AGBL1: variants seen among roughly 807,000 people sequenced by gnomAD.
AGBL1 encodes the protein AGBL carboxypeptidase 1.
Under a neutral mutation model 118.9 loss-of-function variants are expected in AGBL1, and 130 were observed. The observed-to-expected ratio is 1.09, with a 90% CI of 0.95 to 1.26. The LOEUF (loss-of-function observed/expected upper bound fraction) is 1.26. Ranked by LOEUF, AGBL1 falls within the 50% of genes most tolerant of loss-of-function variation. The probability of loss-of-function intolerance (pLI) is 0.00; values close to 1 mark genes in which losing one functional copy is unlikely to be tolerated. For missense variants in AGBL1, 1,584 were observed against 1,298.1 expected (o/e 1.22, Z -3.38); for synonymous variants, 555 against 478.9 (o/e 1.16, Z -2.08).
At chr15:86,099,259 TA>T (rs1896567746) in intron 1 of AGBL1, among the ~76,000 whole-genome samples, 1 of 152,136 alleles carries the variant, frequency 6.6e-6, no homozygotes, top group Admixed American at 6.5e-5. Context: ...AAATACTGAC[TA>T]AAAAAAATTA....
chr15:86,319,376 T>A (rs2080068195), intron 17 of AGBL1, among the ~76,000 whole-genome samples: 1 of 152,170 alleles, frequency 6.6e-6, no homozygotes, highest in Non-Finnish European at 1.5e-5. Flanking sequence ...CTCATTGTAG[T>A]TTTAATTGGC....
At chr15:86,316,636 TA>T (rs1446416978) in intron 17 of AGBL1, 1 of 152,278 alleles carries the variant, frequency 6.6e-6, no homozygotes, top group Non-Finnish European at 1.5e-5. Context: ...CCTGTCTGAC[TA>T]GATTTTATCT....
At chr15:86,998,867 A>G (rs1165708822) in intron 24 of AGBL1, among the ~76,000 whole-genome samples, 1 of 151,196 alleles carries the variant, frequency 6.6e-6, no homozygotes, top group Non-Finnish European at 1.5e-5. Flanking sequence ...ATATATATAT[A>G]TATTTTTTAT....
At chr15:86,500,368 T>A (rs534437503) in intron 18 of AGBL1, among the ~76,000 whole-genome samples, 2 of 151,946 alleles carry the variant, frequency 1.3e-5, no homozygotes, top group East Asian at 3.9e-4. Context: ...AAGTTAAGAA[T>A]AGGTTATCCC....
At chr15:86,558,640 A>G (rs949647126) in intron 21 of AGBL1, among the ~76,000 whole-genome samples, 1 of 152,208 alleles carries the variant, frequency 6.6e-6, no homozygotes. Context: ...TAAAACATGC[A>G]TGCTGGAACT....
chr15:86,598,937 G>GT (rs769524196), intron 21 of AGBL1, among the ~76,000 whole-genome samples: 41 of 152,242 alleles, frequency 2.7e-4, no homozygotes, highest in South Asian at 1.7e-3. Context: ...GCTACTGAAT[G>GT]TTTTCCAGAG....
intron 18 of AGBL1, among the ~76,000 whole-genome samples, chr15:86,433,442 A>G (rs773460641): frequency 2.0e-4 from 30 of 151,904 alleles, no homozygotes; most frequent in Non-Finnish European, 4.1e-4. Flanking sequence ...TTACGTTGGC[A>G]TTTCTTGTGC....
intron 1 of AGBL1, chr15:86,088,109 A>T (rs1248878957): frequency 6.6e-6 from 1 of 152,292 alleles, no homozygotes; most frequent in Non-Finnish European, 1.5e-5. Context: ...ATGAATGGGT[A>T]TGCCTGTGTT....
chr15:86,781,522 G>A (rs546887432), intron 22 of AGBL1, among the ~76,000 whole-genome samples: 2 of 152,156 alleles, frequency 1.3e-5, no homozygotes, highest in South Asian at 4.1e-4. Context: ...AGGATTTTTA[G>A]GACTCTTAGA....
chr15:86,568,101 C>T (rs1480253596), intron 21 of AGBL1, among the ~76,000 whole-genome samples: 1 of 151,956 alleles, frequency 6.6e-6, no homozygotes, highest in East Asian at 1.9e-4. Flanking sequence ...AGGTAATTAG[C>T]TTAATTCTAC....
At chr15:86,687,435 C>T (rs1274674976) in intron 22 of AGBL1, among the ~76,000 whole-genome samples, 1 of 152,114 alleles carries the variant, frequency 6.6e-6, no homozygotes, top group Non-Finnish European at 1.5e-5. Context: ...GCCCCCTACC[C>T]AAGAACAATG....
chr15:86,761,244 T>A (rs1208826434), intron 22 of AGBL1, among the ~76,000 whole-genome samples: 1 of 152,034 alleles, frequency 6.6e-6, no homozygotes, highest in East Asian at 1.9e-4. Context: ...ATTGAGAACT[T>A]ACTGTATGCC....
intron 21 of AGBL1, among the ~76,000 whole-genome samples, chr15:86,638,987 C>T (rs187757397): frequency 1.2e-4 from 19 of 152,282 alleles, no homozygotes; most frequent in African/African-American, 3.1e-4. Flanking sequence ...TACTATCTGT[C>T]GGCTGGAGGC....
chr15:86,087,626 C>G (rs150261005), intron 1 of AGBL1, among the ~76,000 whole-genome samples: 5 of 152,068 alleles, frequency 3.3e-5, no homozygotes, highest in African/African-American at 1.2e-4. Context: ...CACTGCACCC[C>G]GCCCTCATTT....
intron 18 of AGBL1, among the ~76,000 whole-genome samples, chr15:86,435,930 T>C (rs1002703553): frequency 2.6e-5 from 4 of 152,200 alleles, no homozygotes; most frequent in African/African-American, 9.6e-5. Context: ...ATAATAATTA[T>C]TAACAACTAT....
At chr15:86,475,783 A>G (rs2082550098) in intron 18 of AGBL1, among the ~76,000 whole-genome samples, 2 of 152,220 alleles carry the variant, frequency 1.3e-5, no homozygotes, top group African/African-American at 2.4e-5. Context: ...CAGATTCACC[A>G]AAGTTGAAAT....
In AGBL1 at chr15:86,484,746, T is replaced by C. The variant is rs576361902; in HGVS notation, c.2556-38064T>C. Among the ~76,000 whole-genome samples, 6 of 152,238 alleles carry C rather than the reference T, an allele frequency of 3.9e-5. No individual in the cohort carries two copies. The East Asian group carries it at 9.7e-4, about 25-fold the overall frequency. On this transcript the variant is annotated intron_variant, in intron 18 of 22. Transcript: ENST00000614907. ...AATTCCAAAGCATCTCTTTCCTCTA[T>C]TGGGGTCTGTTTCCTTCCAAATCTG... is the stretch of plus-strand genomic sequence containing the variant.
chr15:86,520,407 C>G (rs985310853), intron 18 of AGBL1, among the ~76,000 whole-genome samples: 3 of 152,176 alleles, frequency 2.0e-5, no homozygotes, highest in Admixed American at 6.5e-5. Flanking sequence ...AATCCTATAT[C>G]TGGTAGCAGC....
intron 18 of AGBL1, among the ~76,000 whole-genome samples, chr15:86,423,550 G>C (rs537731179): frequency 2.0e-4 from 31 of 152,282 alleles, no homozygotes; most frequent in African/African-American, 7.5e-4. Flanking sequence ...AATCATGCAA[G>C]AGAAAGAAAT....
Sources: allele counts gnomAD v4.1 joint callset (sites outside exome capture counted in the v4.1 genomes callset), GRCh38; gene constraint gnomAD v4.1.1; transcripts MANE v1.5; gene names NCBI Gene and HGNC (gene_info 2026-07-23, HGNC 2026-07-21).